The following FAM162A variants were observed in gnomAD, a reference collection of about 807,000 sequenced individuals.
FAM162A encodes the protein family with sequence similarity 162 member A, also known as protein FAM162A.
A neutral mutation model predicts 21.8 loss-of-function variants in FAM162A; 23 were observed. That is an observed-to-expected ratio of 1.05 (90% confidence interval 0.76 to 1.49). The LOEUF (loss-of-function observed/expected upper bound fraction) is 1.49. FAM162A is among the 40% of genes most tolerant of loss of function. FAM162A has a pLI of 0.00. For missense variants in FAM162A, 165 were observed against 186.4 expected (o/e 0.89, Z 0.67); for synonymous variants, 53 against 61.3 (o/e 0.86, Z 0.64).
intron 1 of FAM162A, chr3:122,401,326 A>T (rs765463385): frequency 6.5e-5 from 61 of 934,428 alleles, no homozygotes; most frequent in Non-Finnish European, 7.4e-5. Flanking sequence ...ACATATGTCG[A>T]TTTATTTTGC....
intron 3 of FAM162A, among the ~76,000 whole-genome samples, chr3:122,406,688 A>T (rs372386536): frequency 1.7e-4 from 26 of 152,266 alleles, no homozygotes; most frequent in African/African-American, 6.3e-4. Context: ...GGATCTTCCT[A>T]CTATTTTAGA....
intron 4 of FAM162A, chr3:122,407,789 G>T: frequency 4.4e-6 from 1 of 225,136 alleles, no homozygotes; most frequent in Non-Finnish European, 8.7e-6. Context: ...AGCTTTCTTA[G>T]CGGGGTTCTT....
intron 1 of FAM162A, among the ~76,000 whole-genome samples, chr3:122,396,496 A>G (rs2075628231): frequency 6.6e-6 from 1 of 152,174 alleles, no homozygotes; most frequent in African/African-American, 2.4e-5. Flanking sequence ...AGAATAACAA[A>G]TGTGGGTATG....
At chr3:122,401,428 CAGGG>C (rs2075653206) in intron 1 of FAM162A, 4 of 1,107,168 alleles carry the variant, frequency 3.6e-6, no homozygotes, top group Non-Finnish European at 4.4e-6. Flanking sequence ...TTATGGGTGA[CAGGG>C]AGAGAGATCA....
chr3:122,399,786 G>A (rs1202532503), intron 1 of FAM162A, among the ~76,000 whole-genome samples: 1 of 152,058 alleles, frequency 6.6e-6, no homozygotes, highest in Non-Finnish European at 1.5e-5. Context: ...CCTCACCACA[G>A]CATCCCTTAT....
intron 1 of FAM162A, chr3:122,401,303 G>A (rs556892033): frequency 1.2e-4 from 80 of 668,722 alleles, no homozygotes; most frequent in Non-Finnish European, 1.5e-4. Context: ...CTTATTTTGT[G>A]TGCTTTTGTT....
chr3:122,394,187 A>G (rs570641886), intron 1 of FAM162A, among the ~76,000 whole-genome samples: 4 of 152,150 alleles, frequency 2.6e-5, no homozygotes, highest in Non-Finnish European at 5.9e-5. Context: ...ACCAAGAAGG[A>G]TGGTGCTAAA....
In FAM162A at chr3:122,409,730, T is replaced by C. The variant is rs368653224; in HGVS notation, c.373-9T>C. 7 of 1,613,790 alleles carry C rather than the reference T, an allele frequency of 4.3e-6. No homozygotes were observed. In the African/African-American group the frequency reaches 6.7e-5, roughly 15 times the overall value. Reference sequence around the variant, plus strand: ...TACAAATCACCTGTTCAAATCTGTTTTGCTTTAGGCTGCCCAAAGACACGA... The same window carrying C: ...TACAAATCACCTGTTCAAATCTGTTCTGCTTTAGGCTGCCCAAAGACACGA... On this transcript the variant is annotated splice_polypyrimidine_tract_variant and intron_variant, in intron 4 of 4. Transcript: ENST00000477892.
At chr3:122,389,386 GAT>G (rs1310408010) in intron 1 of FAM162A, among the ~76,000 whole-genome samples, 1 of 13,628 alleles carries the variant, frequency 7.3e-5, no homozygotes, top group Admixed American at 1.2e-3. Context: ...TAGATGGATA[GAT>G]AGATAGATAG....
At chr3:122,401,399 A>G (rs2075653006) in intron 1 of FAM162A, 2 of 1,053,052 alleles carry the variant, frequency 1.9e-6, no homozygotes, top group Non-Finnish European at 2.3e-6. Flanking sequence ...ATCCTGGTTA[A>G]TGGAACATAA....
chr3:122,408,122 A>G (rs2075685246), intron 4 of FAM162A, among the ~76,000 whole-genome samples: 1 of 152,160 alleles, frequency 6.6e-6, no homozygotes, highest in Non-Finnish European at 1.5e-5. Flanking sequence ...TAATAGGAAA[A>G]TTCCTCCCAT....
chr3:122,406,649 AAG>A (rs201949060), intron 3 of FAM162A, among the ~76,000 whole-genome samples: 2,121 of 152,366 alleles, frequency 0.014, 13 homozygotes, highest in Middle Eastern at 0.031. Context: ...TTTGTTTAAA[AAG>A]ATAAATATTG....
chr3:122,409,650 C>T (rs956914991), intron 4 of FAM162A, 89 bp from the exon 5 acceptor site: 10 of 1,121,500 alleles, frequency 8.9e-6, no homozygotes, highest in Middle Eastern at 2.0e-4. Context: ...GCCTCCATGC[C>T]TCTGTTAACC....
At chr3:122,400,285 A>G (rs2107699114) in intron 1 of FAM162A, among the ~76,000 whole-genome samples, 1 of 152,072 alleles carries the variant, frequency 6.6e-6, no homozygotes, top group African/African-American at 2.4e-5. Flanking sequence ...AAAACCAAAC[A>G]CTGCATGTTC....
chr3:122,390,832 A>T (rs1269131576), intron 1 of FAM162A, among the ~76,000 whole-genome samples: 1 of 152,198 alleles, frequency 6.6e-6, no homozygotes, highest in Non-Finnish European at 1.5e-5. Context: ...TACTCTTAAG[A>T]TTAGCCGTTT....
At chr3:122,406,204 A>C (rs1339996667) in intron 3 of FAM162A, among the ~76,000 whole-genome samples, 2 of 152,208 alleles carry the variant, frequency 1.3e-5, no homozygotes, top group Non-Finnish European at 2.9e-5. Flanking sequence ...GAAGGCCATA[A>C]GTTAATCCTG....
At position 122,407,299 on chromosome 3, in the gene FAM162A, T is replaced by C; in HGVS notation, c.282T>C (p.Ala94=). The change falls in exon 4 of 5, where the codon GCT becomes GCC. Residue 94 remains alanine (A), a synonymous_variant. Coordinates refer to ENST00000477892, the MANE Select transcript of FAM162A (RefSeq NM_014367.4). ...TTACTAGGTTGGAGATGCTTGATGC[T>C]GCAAAGAACAAGATGCGAGTGAAGA... ...PETVSLEMLD[A]AKNKMRVKIS... is the part of the protein sequence containing the mutation. 1 of 1,614,064 alleles carries C rather than the reference T, an allele frequency of 6.2e-7. No homozygotes were observed. Among genetic ancestry groups the C allele is most frequent in the Non-Finnish European group, 8.5e-7 (1 of 1,179,952 alleles).
intron 1 of FAM162A, among the ~76,000 whole-genome samples, chr3:122,397,183 TA>T (rs1353501762): frequency 6.6e-6 from 1 of 152,230 alleles, no homozygotes; most frequent in African/African-American, 2.4e-5. Context: ...TAGTGTCTTT[TA>T]AATTGTTATG....
chr3:122,399,034 A>G (rs1316613468), intron 1 of FAM162A, among the ~76,000 whole-genome samples: 1 of 152,160 alleles, frequency 6.6e-6, no homozygotes, highest in Non-Finnish European at 1.5e-5. Context: ...TCACCCAGGC[A>G]CTAAGCCTAG....
Sources: gnomAD v4.1 joint callset for allele counts (sites outside exome capture counted in the v4.1 genomes callset) on GRCh38, gnomAD v4.1.1 for gene constraint, MANE v1.5 for transcripts, NCBI Gene and HGNC (gene_info 2026-07-23, HGNC 2026-07-21) for gene names.